SIM1: variants seen among roughly 807,000 people sequenced by gnomAD.
The protein encoded by SIM1 is SIM bHLH transcription factor 1.
SIM1 carries 18 observed loss-of-function variants against 78.2 expected under a neutral mutation model. The observed-to-expected ratio is 0.23, with a 90% CI of 0.16 to 0.34. The LOEUF is 0.34. Among genes scored for constraint, SIM1 ranks in the 10% least tolerant of loss-of-function variants. SIM1 has a pLI of 1.00. For missense variants in SIM1, 939 were observed against 975.1 expected (o/e 0.96, Z 0.49); for synonymous variants, 417 against 385.2 (o/e 1.08, Z -0.97).
At chr6:100,425,885 C>T (rs982637618) in intron 9 of SIM1, among the ~76,000 whole-genome samples, 4 of 152,194 alleles carry the variant, frequency 2.6e-5, no homozygotes, top group Non-Finnish European at 5.9e-5. Flanking sequence ...AACTTAGACT[C>T]TTAAATCAGT....
intron 2 of SIM1, among the ~76,000 whole-genome samples, chr6:100,457,930 G>A (rs537861939): frequency 2.6e-5 from 4 of 152,276 alleles, no homozygotes; most frequent in African/African-American, 7.2e-5. Context: ...CACCGCGGCC[G>A]CACCCAGGGA....
Position 100,446,645 on chromosome 6 carries a change from G to T in SIM1, c.998+623C>A, listed in dbSNP as rs769881553. Among the ~76,000 whole-genome samples the T allele has an allele frequency of 1.4e-4, 21 of 152,238 alleles. 1 individual carries two copies. Among genetic ancestry groups the T allele is most frequent in the Admixed American group, 1.2e-3 (18 of 15,292 alleles). On this transcript the variant is annotated intron_variant, in intron 9 of 11. Transcript: ENST00000369208. ...AGCCTCCCTGTCATTCGCGCCCGCA[G>T]GTGGCACCCAGAGCTCCGCTCCTCA...
intron 8 of SIM1, 80 bp downstream of exon 8, chr6:100,448,066 G>T: frequency 1.7e-6 from 2 of 1,166,756 alleles, no homozygotes; most frequent in Non-Finnish European, 1.2e-6. Context: ...TCTTGCGAGG[G>T]ATTTAAATCG....
chr6:100,397,777 C>T (rs1208790424), intron 10 of SIM1, among the ~76,000 whole-genome samples: 4 of 151,948 alleles, frequency 2.6e-5, no homozygotes, highest in Admixed American at 1.3e-4. Flanking sequence ...AATTACATAT[C>T]CAACAAAAGA....
chr6:100,406,821 C>CT (rs1771062176), intron 10 of SIM1, among the ~76,000 whole-genome samples: 1 of 151,646 alleles, frequency 6.6e-6, no homozygotes, highest in African/African-American at 2.4e-5. Flanking sequence ...ACATCGTTAC[C>CT]TTTTGTGTGC....
At chr6:100,412,916 C>A (rs1771296983) in intron 10 of SIM1, among the ~76,000 whole-genome samples, 1 of 152,060 alleles carries the variant, frequency 6.6e-6, no homozygotes, top group Admixed American at 6.5e-5. Flanking sequence ...ATCTTGCAGC[C>A]CCTCTGCAAA....
rs768056437 is a variant in SIM1 at position 100,420,793 on chromosome 6, A to T, written c.1164T>A (p.Pro388=). ...TGCAAAACAGCAATGCACTTACCTG[A>T]GGGTATGGGGAAGTCCTGGATTTTG... The part of the protein sequence containing the change: ...SKSKSRTSPY[P]QYSGFHTERS... Residue 388 remains proline (P), a synonymous_variant, in exon 10 of 12, where the codon CCT becomes CCA. Coordinates refer to ENST00000369208, the MANE Select transcript of SIM1 (RefSeq NM_005068.3). 6.2e-7 allele frequency: 1 copy of T among 1,614,070 alleles called. No individual in the cohort carries two copies.
chr6:100,391,957 G>A (rs1480448216), intron 11 of SIM1, among the ~76,000 whole-genome samples: 1 of 152,158 alleles, frequency 6.6e-6, no homozygotes, highest in Non-Finnish European at 1.5e-5. Context: ...TGGATTACCT[G>A]AGGTCAGGAG....
intron 9 of SIM1, among the ~76,000 whole-genome samples, chr6:100,436,999 GT>G (rs1382482288): frequency 6.6e-6 from 1 of 152,058 alleles, no homozygotes; most frequent in Non-Finnish European, 1.5e-5. Context: ...GCCTCTCAAA[GT>G]GCTGGGATGA....
At chr6:100,461,455 A>G (rs909546103) in intron 2 of SIM1, among the ~76,000 whole-genome samples, 8 of 152,264 alleles carry the variant, frequency 5.3e-5, no homozygotes, top group African/African-American at 1.9e-4. Context: ...CCGCCCTGCT[A>G]TTCTTCTCCT....
intron 2 of SIM1, among the ~76,000 whole-genome samples, chr6:100,454,295 C>T (rs897040278): frequency 6.6e-6 from 1 of 152,222 alleles, no homozygotes; most frequent in Non-Finnish European, 1.5e-5. Flanking sequence ...CTGAGACGAC[C>T]GGCCAGGTCC....
intron 2 of SIM1, among the ~76,000 whole-genome samples, chr6:100,458,477 G>C (rs1402267278): frequency 2.0e-5 from 3 of 152,220 alleles, no homozygotes; most frequent in African/African-American, 7.2e-5. Flanking sequence ...CTAAGGTTTA[G>C]ACGACTGCTT....
At chr6:100,449,753 G>T in intron 4 of SIM1, 54 bp from the exon 5 acceptor site, 1 of 1,455,574 alleles carries the variant, frequency 6.9e-7, no homozygotes, top group South Asian at 1.1e-5. Context: ...CCGGTGAAGG[G>T]ACTGAAAGAT....
At chr6:100,402,567 C>CTCTCTTTTTTTTT (rs1428516012) in intron 10 of SIM1, among the ~76,000 whole-genome samples, 2 of 76,336 alleles carry the variant, frequency 2.6e-5, no homozygotes, top group Non-Finnish European at 5.2e-5. Context: ...TTTCTTTTCT[C>CTCTCTTTTTTTTT]TTTTTTTTTT....
chr6:100,456,487 G>A (rs1256335399), intron 2 of SIM1, among the ~76,000 whole-genome samples: 1 of 152,256 alleles, frequency 6.6e-6, no homozygotes, highest in Non-Finnish European at 1.5e-5. Context: ...GCAATTCGGC[G>A]AGGCCGAGGG....
At position 100,412,603 on chromosome 6, in the gene SIM1, GAAAGAAAGGAAAGAAA is replaced by G. The variant is rs1562239581; in HGVS notation, c.1167+8171_1167+8186del. On this transcript the variant is annotated intron_variant, in intron 10 of 11. Coordinates refer to ENST00000369208, the MANE Select transcript of SIM1 (RefSeq NM_005068.3). ...AGAAAGAAAGAAAGAAAGAAAGAAA[GAAAGAAAGGAAAGAAA>G]GAAGGAAAGAAAGAAAGAAAAGAAA... Among the ~76,000 whole-genome samples the G allele has an allele frequency of 5.2e-4, 48 of 91,912 alleles. 2 individuals carry two copies. The highest frequency in any genetic ancestry group is 1.7e-3 in the African/African-American group (42 of 24,076). 60.3% of individuals were successfully genotyped at this position (91,912 alleles called of 152,430 possible). A position where few individuals can be genotyped will look rare whatever the true frequency, so the allele number is the denominator to read the frequency against.
rs142496718 is a variant in SIM1, at chr6:100,422,954, C to T, written c.999-1996G>A. On this transcript the variant is annotated intron_variant, in intron 9 of 11. Transcript: ENST00000369208. Reference sequence around the variant, plus strand: ...GGCAATGATGTATATCAGCAAATTACGATGGCTTACTATCAAATAATCCAT... The same window carrying T: ...GGCAATGATGTATATCAGCAAATTATGATGGCTTACTATCAAATAATCCAT... 3.5e-3 allele frequency among the ~76,000 whole-genome samples: 539 copies of T among 152,278 alleles called. 4 individuals carry two copies. Among genetic ancestry groups the T allele is most frequent in the Middle Eastern group, 0.014 (4 of 294 alleles).
At chr6:100,424,271 A>G (rs573307792) in intron 9 of SIM1, among the ~76,000 whole-genome samples, 1 of 152,132 alleles carries the variant, frequency 6.6e-6, no homozygotes, top group South Asian at 2.1e-4. Flanking sequence ...ACAAATATCA[A>G]TGCTTTGGTA....
chr6:100,392,710 A>T lies in SIM1; in HGVS notation c.1570+777T>A, dbSNP rs1484720957. Reference sequence around the variant, plus strand: ...CAAGAGTAGTAGTATTGGGGCCTTCAGATCAATCCTAATGTCACTGACTTT... The same window carrying T: ...CAAGAGTAGTAGTATTGGGGCCTTCTGATCAATCCTAATGTCACTGACTTT... On this transcript the variant is annotated intron_variant, in intron 11 of 11. Transcript: ENST00000369208. 2.0e-5 allele frequency among the ~76,000 whole-genome samples: 3 copies of T among 152,248 alleles called. No individual in the cohort carries two copies. In the East Asian group the frequency reaches 5.8e-4, roughly 29 times the overall value.
Sources: allele counts gnomAD v4.1 joint callset (sites outside exome capture counted in the v4.1 genomes callset), GRCh38; gene constraint gnomAD v4.1.1; transcripts MANE v1.5; gene names NCBI Gene and HGNC (gene_info 2026-07-23, HGNC 2026-07-21).